Variants in TMEM232 observed in about 807,000 individuals in gnomAD.
TMEM232 encodes the protein transmembrane protein 232.
TMEM232 carries 80 observed loss-of-function variants against 78.8 expected under a neutral mutation model. The ratio of observed to expected loss-of-function variants is 1.01; its 90% CI spans 0.85 to 1.22. The LOEUF (loss-of-function observed/expected upper bound fraction) is 1.22, where lower values mean the gene tolerates loss of function less well. TMEM232 is among the 50% of genes most tolerant of loss of function. TMEM232 has a pLI of 0.00. For missense variants in TMEM232, 881 were observed against 742.2 expected (o/e 1.19, Z -2.17); for synonymous variants, 297 against 254.3 (o/e 1.17, Z -1.60).
At chr5:110,494,994 C>G (rs1765492565) in intron 12 of TMEM232, among the ~76,000 whole-genome samples, 1 of 151,442 alleles carries the variant, frequency 6.6e-6, no homozygotes, top group Admixed American at 6.6e-5. Context: ...GGAATTAGAA[C>G]TATGAAAGCA....
intron 1 of TMEM232, among the ~76,000 whole-genome samples, chr5:110,688,018 T>A (rs926785003): frequency 1.3e-5 from 2 of 152,088 alleles, no homozygotes; most frequent in Non-Finnish European, 2.9e-5. Context: ...TGATGTCTCT[T>A]AAGTATGAAG....
In TMEM232 at chr5:110,638,335, C is replaced by A. The variant is rs1331550549; in HGVS notation, c.364G>T (p.Ala122Ser). ...IQDESLNMLY[A>S]SLDHASFDYD... is the part of the protein sequence containing the mutation. ...TCAAAGGAAGCATGGTCCAGAGATGCATAAAGCATATTTAAAGATTCTGAA... is the reference window on the plus strand; with the variant it reads ...TCAAAGGAAGCATGGTCCAGAGATGAATAAAGCATATTTAAAGATTCTGAA... The change falls in exon 5 of 14, where the codon GCA (alanine) becomes TCA (serine). Residue 122 changes from alanine (A) to serine (S), a missense_variant. Transcript: ENST00000455884. The A allele has an allele frequency of 6.5e-7, 1 of 1,537,574 alleles. No individual in the cohort carries two copies. The highest frequency in any genetic ancestry group is 8.7e-7 in the Non-Finnish European group (1 of 1,142,960).
rs1014868727 is a variant in TMEM232 at position 110,620,597 on chromosome 5, C to A, written c.769-2035G>T. Among the ~76,000 whole-genome samples the A allele has an allele frequency of 2.5e-3, 290 of 118,156 alleles. 2 individuals carry two copies. Among genetic ancestry groups the A allele is most frequent in the African/African-American group, 0.011 (268 of 24,442 alleles). The allele number at this position is 118,156 out of a possible 152,430, so 77.5% of individuals were successfully genotyped here. On this transcript the variant is annotated intron_variant, in intron 7 of 13. Transcript: ENST00000455884. ...CTCATATCTCTCTCTCTCTCTCTCT[C>A]TCTCTCTCTCTCTCTCTCTCTCTCT... is the stretch of plus-strand genomic sequence containing the variant.
intron 12 of TMEM232, among the ~76,000 whole-genome samples, chr5:110,516,926 C>G (rs1230637111): frequency 6.6e-6 from 1 of 152,088 alleles, no homozygotes; most frequent in Non-Finnish European, 1.5e-5. Flanking sequence ...AGAAAATTTT[C>G]AGATTTTCAC....
Position 110,614,220 on chromosome 5 carries a change from T to C in TMEM232, c.902+4209A>G, listed in dbSNP as rs568059289. On this transcript the variant is annotated intron_variant, in intron 8 of 13. Coordinates refer to ENST00000455884, the MANE Select transcript of TMEM232 (RefSeq NM_001039763.4). ...TCACTTGATAATTTCCAAAATATCC[T>C]CCCAGAAAAAGTCAGGATTCAGTGA... Among the ~76,000 whole-genome samples the C allele has an allele frequency of 3.8e-4, 58 of 152,138 alleles. No individual in the cohort carries two copies. The South Asian group carries it at 0.012, about 31-fold the overall frequency.
chr5:110,731,024 T>C (rs1346586246), upstream of TMEM232, among the ~76,000 whole-genome samples: 2 of 152,134 alleles, frequency 1.3e-5, no homozygotes, highest in African/African-American at 2.4e-5. Context: ...ACTTCCTAGA[T>C]ACAAAGGGGG....
chr5:110,492,662 G>T (rs1369691163), intron 12 of TMEM232, among the ~76,000 whole-genome samples: 1 of 151,676 alleles, frequency 6.6e-6, no homozygotes, highest in Non-Finnish European at 1.5e-5. Flanking sequence ...CCAAATATGT[G>T]GTGAGTCAAG....
chr5:110,632,941 C>T (rs527467819), intron 5 of TMEM232, among the ~76,000 whole-genome samples: 34 of 152,154 alleles, frequency 2.2e-4, no homozygotes, highest in African/African-American at 7.7e-4. Flanking sequence ...ACATTACAGT[C>T]AAACTGTCTA....
At chr5:110,557,683 T>A (rs914740298) in intron 11 of TMEM232, among the ~76,000 whole-genome samples, 3 of 152,078 alleles carry the variant, frequency 2.0e-5, no homozygotes, top group African/African-American at 4.8e-5. Context: ...TCTACACACT[T>A]TTAAACAACC....
chr5:110,633,599 G>C (rs1243439667), intron 5 of TMEM232, among the ~76,000 whole-genome samples: 4 of 152,238 alleles, frequency 2.6e-5, no homozygotes, highest in Admixed American at 2.6e-4. Flanking sequence ...GGTATTATAA[G>C]TCTTTGGAAG....
chr5:110,567,068 A>C (rs1776426848), intron 11 of TMEM232, among the ~76,000 whole-genome samples: 1 of 151,762 alleles, frequency 6.6e-6, no homozygotes, highest in Non-Finnish European at 1.5e-5. Flanking sequence ...ATTTACTATT[A>C]TGAGAACAAC....
intron 2 of TMEM232, among the ~76,000 whole-genome samples, chr5:110,660,288 G>C (rs1217018192): frequency 6.6e-6 from 1 of 151,856 alleles, no homozygotes; most frequent in Non-Finnish European, 1.5e-5. Flanking sequence ...CAATATTCTA[G>C]AGGAAAAAAG....
At chr5:110,706,097 T>C (rs1026919935) in intron 1 of TMEM232, among the ~76,000 whole-genome samples, 1 of 152,110 alleles carries the variant, frequency 6.6e-6, no homozygotes, top group Non-Finnish European at 1.5e-5. Context: ...AAGACATTGA[T>C]AACCAAGTAT....
chr5:110,444,305 G>C (rs917106755), intron 12 of TMEM232, among the ~76,000 whole-genome samples: 1 of 152,076 alleles, frequency 6.6e-6, no homozygotes, highest in Non-Finnish European at 1.5e-5. Context: ...CTCCTTCCCT[G>C]TGTGGGCGCT....
chr5:110,625,286 T>A lies in TMEM232; in HGVS notation c.749A>T (p.Glu250Val). The A allele has an allele frequency of 6.5e-7, 1 of 1,540,808 alleles. No individual in the cohort carries two copies. Among genetic ancestry groups the A allele is most frequent in the Middle Eastern group, 1.7e-4 (1 of 5,920 alleles). ...FRPVEDKKRY[E>V]NTDSDMGGYE... ...ACTCACCATATCAGAATCTGTGTTC[T>A]CATATCTTTTCTTATCTTCCACAGG... Residue 250 changes from glutamate to valine, a missense_variant, in exon 7 of 14, where the codon GAG becomes GTG. Coordinates refer to ENST00000455884, the MANE Select transcript of TMEM232 (RefSeq NM_001039763.4).
At chr5:110,525,808 G>T (rs1281483297) in intron 12 of TMEM232, among the ~76,000 whole-genome samples, 1 of 150,938 alleles carries the variant, frequency 6.6e-6, no homozygotes, top group Non-Finnish European at 1.5e-5. Context: ...ATATTAAAAT[G>T]TATTATACAG....
intron 12 of TMEM232, among the ~76,000 whole-genome samples, chr5:110,518,899 A>C (rs2149492920): frequency 6.6e-6 from 1 of 152,300 alleles, no homozygotes; most frequent in Non-Finnish European, 1.5e-5. Context: ...ATAAATAAGC[A>C]CAAAAATATA....
At chr5:110,463,631 T>A (rs924148037) in intron 12 of TMEM232, among the ~76,000 whole-genome samples, 1 of 152,200 alleles carries the variant, frequency 6.6e-6, no homozygotes, top group African/African-American at 2.4e-5. Flanking sequence ...TCCACCTGAT[T>A]TTAGTTAAAT....
At chr5:110,598,622 C>G (rs530318769) in intron 10 of TMEM232, among the ~76,000 whole-genome samples, 10 of 151,920 alleles carry the variant, frequency 6.6e-5, no homozygotes, top group African/African-American at 2.4e-4. Flanking sequence ...AAATGTCCAA[C>G]AATGATAGAC....
Sources: gnomAD v4.1 joint callset for allele counts (sites outside exome capture counted in the v4.1 genomes callset) on GRCh38, gnomAD v4.1.1 for gene constraint, MANE v1.5 for transcripts, NCBI Gene and HGNC (gene_info 2026-07-23, HGNC 2026-07-21) for gene names.